PARG: variants seen among roughly 807,000 people sequenced by gnomAD.
The protein encoded by PARG is poly(ADP-ribose) glycohydrolase, also known as mitochondrial poly(ADP-ribose) glycohydrolase.
PARG carries 35 observed loss-of-function variants against 113.0 expected under a neutral mutation model. The ratio of observed to expected loss-of-function variants is 0.31; its 90% CI spans 0.24 to 0.41. The LOEUF (loss-of-function observed/expected upper bound fraction) is 0.41. Ranked by LOEUF, PARG falls within the 10% of genes least tolerant of loss-of-function variation. PARG has a pLI of 1.00. For missense variants in PARG, 797 were observed against 1,169.4 expected, an observed-to-expected ratio of 0.68 and a Z score of 4.64; for synonymous variants, 330 against 409.9, an observed-to-expected ratio of 0.81 and a Z score of 2.36.
intron 16 of PARG, among the ~76,000 whole-genome samples, chr10:49,831,685 A>C (rs1289165437): frequency 2.6e-5 from 4 of 152,132 alleles, no homozygotes; most frequent in Non-Finnish European, 5.9e-5. Flanking sequence ...ATGTGCCAGG[A>C]GAGTGGGGTG....
At chr10:49,838,583 A>G (rs1479666578) in intron 15 of PARG, among the ~76,000 whole-genome samples, 1 of 152,184 alleles carries the variant, frequency 6.6e-6, no homozygotes, top group Non-Finnish European at 1.5e-5. Flanking sequence ...ATGAGAGACA[A>G]GAAAAATAGT....
rs1554835857 is a variant in PARG, at chr10:49,861,140, G to GCCCCCTCAACCTA, written c.2205+435_2205+447dup. ...TCTTATCAATCAGTTTTAGATGTCT[G>GCCCCCTCAACCTA]CCCCCTCAACCTAAACAAAGCTGTT... On this transcript the variant is annotated intron_variant, in intron 12 of 17. Transcript: ENST00000616448. Among the ~76,000 whole-genome samples the GCCCCCTCAACCTA allele has an allele frequency of 2.0e-5, 3 of 152,212 alleles. No homozygotes were observed. In the East Asian group the frequency reaches 5.8e-4, roughly 29 times the overall value.
chr10:49,911,352 T>C (rs547306980), intron 7 of PARG, among the ~76,000 whole-genome samples: 10 of 151,778 alleles, frequency 6.6e-5, no homozygotes, highest in African/African-American at 1.2e-4. Flanking sequence ...TTTTATAACA[T>C]ATAGAACATT....
At chr10:49,829,652 C>T (rs933732428) in intron 16 of PARG, among the ~76,000 whole-genome samples, 1 of 151,984 alleles carries the variant, frequency 6.6e-6, no homozygotes, top group South Asian at 2.1e-4. Context: ...AATGAAAAAA[C>T]CCCCAACAAA....
At chr10:49,929,826 CAAAAA>C (rs1238299427) in intron 4 of PARG, among the ~76,000 whole-genome samples, 2 of 84,886 alleles carry the variant, frequency 2.4e-5, no homozygotes, top group Non-Finnish European at 4.9e-5. Context: ...AAAACTCCAT[CAAAAA>C]AAAAAAAAAA....
At chr10:49,912,391 G>T (rs1396690896) in intron 7 of PARG, among the ~76,000 whole-genome samples, 3 of 152,132 alleles carry the variant, frequency 2.0e-5, no homozygotes, top group African/African-American at 7.2e-5. Flanking sequence ...AAGGCCGAGC[G>T]CGGTGGCTCA....
intron 9 of PARG, among the ~76,000 whole-genome samples, chr10:49,877,114 C>T (rs1323204259): frequency 6.7e-6 from 1 of 149,698 alleles, no homozygotes; most frequent in African/African-American, 2.4e-5. Context: ...AAAATATAAC[C>T]CAAGAATTAT....
intron 7 of PARG, among the ~76,000 whole-genome samples, chr10:49,891,591 A>G (rs1357721630): frequency 7.4e-5 from 1 of 13,456 alleles, no homozygotes; most frequent in Non-Finnish European, 1.5e-4. Context: ...CCTATGGTCC[A>G]TATATATATA....
At chr10:49,898,623 T>C (rs1554843275) in intron 7 of PARG, among the ~76,000 whole-genome samples, 1 of 151,912 alleles carries the variant, frequency 6.6e-6, no homozygotes, top group East Asian at 1.9e-4. Context: ...CCTAGATTCT[T>C]ATCTAGTCTC....
At chr10:49,843,294 AG>A (rs1247117975) in intron 14 of PARG, among the ~76,000 whole-genome samples, 1 of 152,220 alleles carries the variant, frequency 6.6e-6, no homozygotes, top group Non-Finnish European at 1.5e-5. Context: ...TGTAGCTCAG[AG>A]GTAAAGAACT....
chr10:49,825,957 GT>G (rs199877454), intron 16 of PARG, among the ~76,000 whole-genome samples: 2 of 152,048 alleles, frequency 1.3e-5, no homozygotes, highest in African/African-American at 2.4e-5. Flanking sequence ...GGATTTCATT[GT>G]TTTTTTGGTA....
At position 49,820,145 on chromosome 10, in the gene PARG, C is replaced by T; in HGVS notation, c.2776+20G>A. Reference sequence around the variant, plus strand: ...TACAATCCATCTAGATACCAAGTGTCAAGAGTATCTCCTACTTACCAACAG... The same window carrying T: ...TACAATCCATCTAGATACCAAGTGTTAAGAGTATCTCCTACTTACCAACAG... On this transcript the variant is annotated intron_variant, in intron 17 of 17. Coordinates refer to ENST00000616448, the MANE Select transcript of PARG (RefSeq NM_003631.5). The T allele has an allele frequency of 1.3e-6, 2 of 1,509,746 alleles. No homozygotes were observed. Among genetic ancestry groups the T allele is most frequent in the African/African-American group, 1.4e-5 (1 of 72,334 alleles). The allele number at this position is 1,509,746 out of a possible 1,614,324, so 93.5% of individuals were successfully genotyped here.
At chr10:49,840,876 T>C (rs576601016) in intron 15 of PARG, among the ~76,000 whole-genome samples, 1 of 152,340 alleles carries the variant, frequency 6.6e-6, no homozygotes, top group South Asian at 2.1e-4. Context: ...ATCTTATAAC[T>C]AAATCCTACT....
At chr10:49,904,837 A>G (rs1394037793) in intron 7 of PARG, among the ~76,000 whole-genome samples, 1 of 152,050 alleles carries the variant, frequency 6.6e-6, no homozygotes, top group African/African-American at 2.4e-5. Context: ...AATCGCTTGA[A>G]CCCAGGAGGC....
chr10:49,937,000 T>G (rs2132996488), intron 1 of PARG, among the ~76,000 whole-genome samples: 1 of 152,348 alleles, frequency 6.6e-6, no homozygotes, highest in East Asian at 1.9e-4. Context: ...GATTTCTTAT[T>G]GTTAAACACC....
chr10:49,879,211 C>G (rs1336857957), intron 9 of PARG, among the ~76,000 whole-genome samples: 1 of 152,146 alleles, frequency 6.6e-6, no homozygotes, highest in Non-Finnish European at 1.5e-5. Flanking sequence ...TTACATTTTT[C>G]AAGTCTCATA....
Position 49,922,233 on chromosome 10 carries a change from T to A in PARG, c.1662+103A>T, listed in dbSNP as rs1289296932. On this transcript the variant is annotated intron_variant, in intron 6 of 17. Coordinates refer to ENST00000616448, the MANE Select transcript of PARG (RefSeq NM_003631.5). The stretch of plus-strand genomic sequence containing the variant: ...CCTTAGTGCCAGGAAGCAAGCATTT[T>A]GCATCTAAACAATGTTGCTACCTGA... 4 of 1,221,460 alleles carry A rather than the reference T, an allele frequency of 3.3e-6. No homozygotes were observed. In the East Asian group the frequency reaches 1.0e-4, roughly 31 times the overall value. 75.7% of individuals were successfully genotyped at this position (1,221,460 alleles called of 1,614,324 possible).
At chr10:49,928,219 C>T (rs1183012303) in intron 4 of PARG, among the ~76,000 whole-genome samples, 5 of 150,878 alleles carry the variant, frequency 3.3e-5, no homozygotes, top group South Asian at 2.1e-4. Context: ...TGCAGTGAGC[C>T]GAGATCACAC....
At chr10:49,897,704 C>T (rs1166239135) in intron 7 of PARG, among the ~76,000 whole-genome samples, 1 of 152,160 alleles carries the variant, frequency 6.6e-6, no homozygotes, top group African/African-American at 2.4e-5. Context: ...AGCAATTTGT[C>T]CACATTCAAA....
Sources: gnomAD v4.1 joint callset for allele counts (sites outside exome capture counted in the v4.1 genomes callset) on GRCh38, gnomAD v4.1.1 for gene constraint, MANE v1.5 for transcripts, NCBI Gene and HGNC (gene_info 2026-07-23, HGNC 2026-07-21) for gene names.